Variants in MDN1 observed in about 807,000 individuals in gnomAD.
MDN1 encodes midasin.
A neutral mutation model predicts 669.2 loss-of-function variants in MDN1; 266 were observed. The ratio of observed to expected loss-of-function variants is 0.40; its 90% confidence interval spans 0.36 to 0.44. The LOEUF (loss-of-function observed/expected upper bound fraction) is 0.44, where lower values mean the gene tolerates loss of function less well. Among genes scored for constraint, MDN1 ranks in the 20% least tolerant of loss-of-function variants. The probability of loss-of-function intolerance (pLI) is 1.00; values close to 1 mark genes in which losing one functional copy is unlikely to be tolerated. For missense variants in MDN1, 5,940 were observed against 6,754.0 expected (o/e 0.88, Z 4.22); for synonymous variants, 2,385 against 2,457.1 (o/e 0.97, Z 0.87).
rs372007998 is a variant in MDN1, at chr6:89,690,621, T to C, written c.10749+52A>G. On this transcript the variant is annotated intron_variant, in intron 64 of 101. Transcript: ENST00000369393. ...AGAGAAAGCCATCAGAGGGAATGTATATGGCATCAAGGGAATTCATTCCAA... is the reference window on the plus strand; with the variant it reads ...AGAGAAAGCCATCAGAGGGAATGTACATGGCATCAAGGGAATTCATTCCAA... 8.8e-6 allele frequency: 14 copies of C among 1,593,628 alleles called. No individual in the cohort carries two copies. The East Asian group carries it at 1.8e-4, about 20-fold the overall frequency.
intron 2 of MDN1, among the ~76,000 whole-genome samples, chr6:89,802,905 AGATT>A (rs1388395418): frequency 1.3e-5 from 2 of 152,186 alleles, no homozygotes; most frequent in Non-Finnish European, 2.9e-5. Context: ...TAATTCAGAT[AGATT>A]TATAGAATTT....
chr6:89,747,151 A>G (rs1050026075), intron 27 of MDN1, among the ~76,000 whole-genome samples, 178 bp downstream of exon 27: 5 of 152,216 alleles, frequency 3.3e-5, no homozygotes, highest in African/African-American at 1.2e-4. Context: ...CCTTATTAGC[A>G]TGGAGGCCTG....
chr6:89,743,551 C>T (rs1816406878), intron 30 of MDN1, 25 bp downstream of exon 30: 2 of 1,604,658 alleles, frequency 1.2e-6, no homozygotes, highest in Non-Finnish European at 1.7e-6. Flanking sequence ...TTTAAAATAA[C>T]AGGAACACTT....
At chr6:89,788,162 G>A (rs1391096226) in intron 7 of MDN1, among the ~76,000 whole-genome samples, 9 of 152,144 alleles carry the variant, frequency 5.9e-5, no homozygotes, top group African/African-American at 2.2e-4. Context: ...ATTCACGAGT[G>A]CCTCCTGTGG....
chr6:89,744,217 C>G (rs190853443), intron 29 of MDN1, among the ~76,000 whole-genome samples: 1 of 150,514 alleles, frequency 6.6e-6, no homozygotes, highest in Non-Finnish European at 1.5e-5. Context: ...TCTCTACACA[C>G]GTATAGAATG....
rs984944639 is a variant in MDN1 at position 89,770,942 on chromosome 6, C to T, written c.2144+619G>A. ...TGTTCATTAAAATGAAGAGAAACAT[C>T]TACACACCCATGAGCTCCTCAATAA... On this transcript the variant is annotated intron_variant, in intron 15 of 101. Transcript: ENST00000369393. 5.3e-5 allele frequency among the ~76,000 whole-genome samples: 8 copies of T among 152,296 alleles called. No individual in the cohort carries two copies. The South Asian group carries it at 1.7e-3, about 32-fold the overall frequency.
chr6:89,749,144 G>T, intron 26 of MDN1, 79 bp downstream of exon 26: 1 of 1,340,370 alleles, frequency 7.5e-7, no homozygotes, highest in Non-Finnish European at 1.0e-6. Flanking sequence ...TCAACAGACA[G>T]ATTCTTTTTT....
At chr6:89,761,861 C>A (rs1302391494) in intron 16 of MDN1, 113 bp from the exon 17 acceptor site, 7 of 755,130 alleles carry the variant, frequency 9.3e-6, no homozygotes, top group Non-Finnish European at 1.5e-5. Context: ...TTACACAAAA[C>A]ACTAAGTCTA....
intron 32 of MDN1, among the ~76,000 whole-genome samples, chr6:89,739,579 CTAACTT>C (rs1362003817): frequency 6.6e-6 from 1 of 152,188 alleles, no homozygotes; most frequent in African/African-American, 2.4e-5. Flanking sequence ...CACTCTCTTC[CTAACTT>C]TAACAGACTG....
At chr6:89,667,530 A>G (rs1161513353) in intron 84 of MDN1, among the ~76,000 whole-genome samples, 1 of 152,234 alleles carries the variant, frequency 6.6e-6, no homozygotes, top group East Asian at 1.9e-4. Context: ...AAGCAATGTA[A>G]CAATCTTAGT....
chr6:89,702,242 T>A (rs766593488), intron 53 of MDN1, among the ~76,000 whole-genome samples, 181 bp from the exon 54 acceptor site: 1 of 152,234 alleles, frequency 6.6e-6, no homozygotes, highest in Non-Finnish European at 1.5e-5. Context: ...TGGACTGGAA[T>A]ATATGTAGGA....
chr6:89,747,820 G>T (rs768338965), intron 26 of MDN1, among the ~76,000 whole-genome samples: 1 of 148,664 alleles, frequency 6.7e-6, no homozygotes, highest in Non-Finnish European at 1.5e-5. Context: ...GAACCCGGGA[G>T]GGGGAGCTTG....
intron 1 of MDN1, among the ~76,000 whole-genome samples, chr6:89,817,081 G>A (rs940711748): frequency 2.0e-5 from 3 of 152,134 alleles, no homozygotes; most frequent in African/African-American, 7.2e-5. Flanking sequence ...CCTGTGACTT[G>A]GAAGACCGCC....
intron 29 of MDN1, among the ~76,000 whole-genome samples, chr6:89,744,744 G>C (rs1302101847): frequency 6.6e-6 from 1 of 151,888 alleles, no homozygotes; most frequent in Non-Finnish European, 1.5e-5. Context: ...TTAGCCAAGT[G>C]TGGTGGTGCA....
intron 1 of MDN1, among the ~76,000 whole-genome samples, chr6:89,818,315 C>T (rs1768980396): frequency 1.0e-5 from 1 of 99,938 alleles, no homozygotes; most frequent in Non-Finnish European, 1.9e-5. Context: ...AGCGTGCCTC[C>T]GTCTCAAAAA....
At chr6:89,796,993 G>A (rs1051406444) in intron 2 of MDN1, among the ~76,000 whole-genome samples, 1 of 151,990 alleles carries the variant, frequency 6.6e-6, no homozygotes, top group African/African-American at 2.4e-5. Context: ...GCTTGAACCT[G>A]GGAGGCGAAG....
At chr6:89,672,813 C>G (rs911888406) in intron 80 of MDN1, 111 bp from the exon 81 acceptor site, 1 of 1,188,586 alleles carries the variant, frequency 8.4e-7, no homozygotes, top group African/African-American at 1.5e-5. Flanking sequence ...GCCACTGTGT[C>G]AAGCTGTGCC....
At chr6:89,735,809 C>G (rs1487511812) in intron 33 of MDN1, among the ~76,000 whole-genome samples, 1 of 152,100 alleles carries the variant, frequency 6.6e-6, no homozygotes, top group Non-Finnish European at 1.5e-5. Context: ...ATCACAAGGT[C>G]AAGAGATCGA....
chr6:89,658,966 A>T lies in MDN1; in HGVS notation c.14714-49T>A, dbSNP rs376598127. On this transcript the variant is annotated intron_variant, in intron 88 of 101. Transcript: ENST00000369393. The stretch of plus-strand genomic sequence containing the variant: ...GGAGTGCAGAATTTTTGAAACGTAC[A>T]TGATTTCTTAAGCTGGGAGCTACTT... The T allele has an allele frequency of 5.3e-6, 8 of 1,507,842 alleles. No individual in the cohort carries two copies. In the African/African-American group the frequency reaches 9.8e-5, roughly 19 times the overall value. The allele number at this position is 1,507,842 out of a possible 1,614,324, so 93.4% of individuals were successfully genotyped here.
Sources: gnomAD v4.1 joint callset for allele counts (sites outside exome capture counted in the v4.1 genomes callset) on GRCh38, gnomAD v4.1.1 for gene constraint, MANE v1.5 for transcripts, NCBI Gene and HGNC (gene_info 2026-07-23, HGNC 2026-07-21) for gene names.